The following CTNNA1 variants were observed in gnomAD, a reference collection of about 807,000 sequenced individuals.
CTNNA1 encodes catenin alpha 1.
CTNNA1 carries 37 observed loss-of-function variants against 98.4 expected under a neutral mutation model. The observed-to-expected ratio is 0.38, with a 90% CI of 0.29 to 0.49. CTNNA1 has a LOEUF of 0.49. Ranked by LOEUF, CTNNA1 falls within the 20% of genes least tolerant of loss-of-function variation. The probability of loss-of-function intolerance (pLI) is 0.95; values close to 1 mark genes in which losing one functional copy is unlikely to be tolerated. For missense variants in CTNNA1, 761 were observed against 1,147.2 expected, an observed-to-expected ratio of 0.66 and a Z score of 4.86; for synonymous variants, 404 against 413.2, an observed-to-expected ratio of 0.98 and a Z score of 0.27.
intron 7 of CTNNA1, among the ~76,000 whole-genome samples, chr5:138,858,924 A>G (rs1348756471): frequency 6.6e-6 from 1 of 152,188 alleles, no homozygotes; most frequent in Non-Finnish European, 1.5e-5. Flanking sequence ...GTTCAAGTAC[A>G]TGAGTTCTAC....
intron 1 of CTNNA1, among the ~76,000 whole-genome samples, chr5:138,764,871 T>C (rs1035257189): frequency 5.8e-5 from 8 of 137,188 alleles, no homozygotes; most frequent in East Asian, 2.2e-4. Flanking sequence ...TCTCTCTCTT[T>C]TTTTTTTTTT....
At chr5:138,813,223 G>T (rs1759026747) in intron 5 of CTNNA1, among the ~76,000 whole-genome samples, 1 of 152,218 alleles carries the variant, frequency 6.6e-6, no homozygotes, top group African/African-American at 2.4e-5. Context: ...TCTTCAGTGT[G>T]CCTGGCACTG....
intron 7 of CTNNA1, among the ~76,000 whole-genome samples, chr5:138,879,501 C>T (rs1010070665): frequency 6.6e-6 from 1 of 151,954 alleles, no homozygotes; most frequent in East Asian, 1.9e-4. Context: ...AGTGTCTTCA[C>T]TCTTTCACCC....
intron 5 of CTNNA1, among the ~76,000 whole-genome samples, chr5:138,822,144 C>G (rs1463129133): frequency 6.6e-6 from 1 of 152,130 alleles, no homozygotes; most frequent in Non-Finnish European, 1.5e-5. Flanking sequence ...AAGGGCAAGA[C>G]AATTAGAAAA....
At chr5:138,853,453 C>G (rs767639752) in intron 7 of CTNNA1, among the ~76,000 whole-genome samples, 3 of 151,256 alleles carry the variant, frequency 2.0e-5, no homozygotes, top group Non-Finnish European at 2.9e-5. Context: ...TGTGTTTTCC[C>G]CCGCCTTTTT....
rs2149656715 is a variant in CTNNA1, at chr5:138,783,314, G to A, written c.243G>A (p.Lys81=). Residue 81 remains lysine (K), a synonymous_variant, in exon 3 of 18, where the codon AAG becomes AAA. Coordinates refer to ENST00000302763, the MANE Select transcript of CTNNA1 (RefSeq NM_001903.5). ...TGGAGAAGGGGGATAAAATTGCGAA[G>A]GAGAGCCAGTTTCTCAAGGAGGAGC... ...NFLEKGDKIA[K]ESQFLKEELV... The A allele has an allele frequency of 6.2e-7, 1 of 1,614,134 alleles. No individual in the cohort carries two copies. The highest frequency in any genetic ancestry group is 1.1e-5 in the South Asian group (1 of 91,086).
intron 7 of CTNNA1, among the ~76,000 whole-genome samples, chr5:138,861,120 A>G (rs758336582): frequency 3.9e-5 from 6 of 151,978 alleles, no homozygotes; most frequent in African/African-American, 7.2e-5. Context: ...TGTCAGGTTC[A>G]GGAGATTCTT....
At chr5:138,931,462 T>C (rs1439521838) in intron 16 of CTNNA1, among the ~76,000 whole-genome samples, 1 of 152,192 alleles carries the variant, frequency 6.6e-6, no homozygotes, top group African/African-American at 2.4e-5. Context: ...CTCCCCACCA[T>C]TTTCCCTGAA....
chr5:138,907,977 TTTCTTC>T (rs1236525088), intron 10 of CTNNA1, among the ~76,000 whole-genome samples: 2 of 151,648 alleles, frequency 1.3e-5, no homozygotes, highest in East Asian at 1.9e-4. Context: ...CCCTTTTTTT[TTTCTTC>T]TTCTTCTTCT....
rs78825013 is a variant in CTNNA1, at chr5:138,925,114, A to G, written c.1748-142A>G. On this transcript the variant is annotated intron_variant, in intron 12 of 17. Coordinates refer to ENST00000302763, the MANE Select transcript of CTNNA1 (RefSeq NM_001903.5). ...AAAATACTGCATTTAATTTATTTCA[A>G]CTGTAAATACCCTTCACACAGGTAG... 2,319 of 837,596 alleles carry G rather than the reference A, an allele frequency of 2.8e-3. 36 individuals are homozygous for G. In the African/African-American group the frequency reaches 0.036, roughly 13 times the overall value. The allele number at this position is 837,596 out of a possible 1,614,324, so 51.9% of individuals were successfully genotyped here.
At chr5:138,786,095 G>A (rs1755676269) in intron 3 of CTNNA1, among the ~76,000 whole-genome samples, 1 of 152,002 alleles carries the variant, frequency 6.6e-6, no homozygotes, top group Non-Finnish European at 1.5e-5. Flanking sequence ...AATCTTTTAT[G>A]TGGTTCTGAA....
intron 1 of CTNNA1, among the ~76,000 whole-genome samples, chr5:138,776,340 CAGAG>C (rs1022294009): frequency 1.3e-5 from 2 of 151,620 alleles, no homozygotes; most frequent in African/African-American, 4.8e-5. Context: ...CCACATGTTT[CAGAG>C]AGCACAGGGT....
intron 16 of CTNNA1, chr5:138,931,792 G>GCTCAT (rs1765406663): frequency 1.0e-6 from 1 of 985,478 alleles, no homozygotes; most frequent in African/African-American, 1.7e-5. Context: ...TTAGAATACA[G>GCTCAT]CTCATCTCCA....
At chr5:138,809,918 CTCTT>C (rs1758498377) in intron 3 of CTNNA1, 116 bp from the exon 4 acceptor site, 72 of 1,311,952 alleles carry the variant, frequency 5.5e-5, no homozygotes, top group Non-Finnish European at 7.2e-5. Flanking sequence ...AAAATGAAAA[CTCTT>C]AAACTAAATT....
In CTNNA1 at chr5:138,778,947, C is replaced by T. The variant is rs190999585; in HGVS notation, c.-2-2976C>T. Among the ~76,000 whole-genome samples the T allele has an allele frequency of 2.6e-5, 4 of 151,970 alleles. No individual in the cohort carries two copies. In the East Asian group the frequency reaches 5.8e-4, roughly 22 times the overall value. On this transcript the variant is annotated intron_variant, in intron 1 of 17. Coordinates refer to ENST00000302763, the MANE Select transcript of CTNNA1 (RefSeq NM_001903.5). Reference sequence around the variant, plus strand: ...AGGCTGGAGTGCAGTGGCATGATCTCGGCTCATTGCAACCTCTGCCTCCCA... The same window carrying T: ...AGGCTGGAGTGCAGTGGCATGATCTTGGCTCATTGCAACCTCTGCCTCCCA...
In CTNNA1 at chr5:138,895,551, G is replaced by GCAAA. The variant is rs1756597600; in HGVS notation, c.1296+7911_1296+7914dup. ...AGAATGAAGCTTTCAAAAACCTGTA[G>GCAAA]CAAACTTCCTGTATTTGAGGGAGAA... On this transcript the variant is annotated intron_variant, in intron 9 of 17. Transcript: ENST00000302763. Among the ~76,000 whole-genome samples the GCAAA allele has an allele frequency of 4.0e-5, 6 of 151,896 alleles. No individual in the cohort carries two copies. In the Middle Eastern group the frequency reaches 0.014, roughly 344 times the overall value.
At chr5:138,923,410 G>A (rs1179411357) in intron 11 of CTNNA1, among the ~76,000 whole-genome samples, 1 of 152,116 alleles carries the variant, frequency 6.6e-6, no homozygotes, top group Non-Finnish European at 1.5e-5. Flanking sequence ...CTCATAATTT[G>A]TAATTAATAG....
chr5:138,830,349 G>A lies in CTNNA1; in HGVS notation c.1062+2631G>A, dbSNP rs556054485. Among the ~76,000 whole-genome samples, 17 of 152,330 alleles carry A rather than the reference G, an allele frequency of 1.1e-4. 1 individual carries two copies. The highest frequency in any genetic ancestry group is 6.2e-4 in the South Asian group (3 of 4,828). On this transcript the variant is annotated intron_variant, in intron 7 of 17. Transcript: ENST00000302763. Reference sequence around the variant, plus strand: ...TGCACTCCAGCCTGGGCGACAGAGCGAGATTCTGTCTCAAAAACAAAAAAG... The same window carrying A: ...TGCACTCCAGCCTGGGCGACAGAGCAAGATTCTGTCTCAAAAACAAAAAAG...
chr5:138,775,695 C>T (rs889728131), intron 1 of CTNNA1, among the ~76,000 whole-genome samples: 3 of 147,414 alleles, frequency 2.0e-5, no homozygotes, highest in African/African-American at 5.0e-5. Flanking sequence ...CTTTAGCCTC[C>T]TTTAATCTGG....
Sources: allele counts gnomAD v4.1 joint callset (sites outside exome capture counted in the v4.1 genomes callset), GRCh38; gene constraint gnomAD v4.1.1; transcripts MANE v1.5; gene names NCBI Gene and HGNC (gene_info 2026-07-23, HGNC 2026-07-21).